Variants in AK5 observed in about 807,000 individuals in gnomAD.
The protein encoded by AK5 is adenylate kinase 5, also known as adenylate kinase isoenzyme 5.
A neutral mutation model predicts 69.5 loss-of-function variants in AK5; 27 were observed. The observed-to-expected ratio is 0.39, with a 90% CI of 0.29 to 0.54. AK5 has a LOEUF of 0.54. Among genes scored for constraint, AK5 ranks in the 20% least tolerant of loss-of-function variants. AK5 has a pLI of 0.71. For missense variants in AK5, 531 were observed against 700.4 expected (o/e 0.76, Z 2.73); for synonymous variants, 260 against 244.4 (o/e 1.06, Z -0.60).
In AK5 at chr1:77,521,938, C is replaced by G. The variant is rs554863447; in HGVS notation, c.1423C>G (p.Arg475Gly). The change falls in exon 12 of 14, where the codon CGC (arginine) becomes GGC (glycine). Residue 475 changes from arginine to glycine, a missense_variant. Coordinates refer to ENST00000354567, the MANE Select transcript of AK5 (RefSeq NM_174858.3). ...REVKQGEEFG[R>G]RIGDPQLVIC... The stretch of plus-strand genomic sequence containing the variant: ...GGTGAAGCAAGGGGAAGAGTTCGGA[C>G]GCAGGGTGAGTGGTTGTTACGGGCA... 1 of 1,605,644 alleles carries G rather than the reference C, an allele frequency of 6.2e-7. No homozygotes were observed. The highest frequency in any genetic ancestry group is 1.1e-5 in the South Asian group (1 of 89,780).
chr1:77,345,011 C>G (rs1661841883), intron 6 of AK5, among the ~76,000 whole-genome samples: 1 of 149,390 alleles, frequency 6.7e-6, no homozygotes, highest in Non-Finnish European at 1.5e-5. Flanking sequence ...AAAAAAAGCT[C>G]AGATGCAATG....
intron 6 of AK5, among the ~76,000 whole-genome samples, chr1:77,405,768 C>T (rs1275041524): frequency 1.3e-5 from 2 of 152,172 alleles, no homozygotes; most frequent in African/African-American, 4.8e-5. Flanking sequence ...AGTCCCCTCA[C>T]TCCCTCCCCC....
intron 8 of AK5, among the ~76,000 whole-genome samples, chr1:77,479,877 G>T (rs1655154245): frequency 6.6e-6 from 1 of 152,204 alleles, no homozygotes. Flanking sequence ...TGGCTAATGG[G>T]TTGAGTCTTC....
intron 8 of AK5, among the ~76,000 whole-genome samples, chr1:77,446,539 T>G (rs1652767598): frequency 6.6e-6 from 1 of 152,232 alleles, no homozygotes; most frequent in South Asian, 2.1e-4. Flanking sequence ...TTTCACAATA[T>G]TAATTACTCT....
At chr1:77,390,020 C>T (rs774343042) in intron 6 of AK5, among the ~76,000 whole-genome samples, 4 of 152,148 alleles carry the variant, frequency 2.6e-5, no homozygotes, top group Non-Finnish European at 5.9e-5. Flanking sequence ...AGGCAGACTT[C>T]AAGCCTTTGG....
intron 10 of AK5, among the ~76,000 whole-genome samples, chr1:77,508,840 C>T (rs1657164340): frequency 6.8e-6 from 1 of 147,784 alleles, no homozygotes; most frequent in Non-Finnish European, 1.5e-5. Flanking sequence ...GCACTCCAGC[C>T]TTGGCGGCAG....
intron 8 of AK5, among the ~76,000 whole-genome samples, chr1:77,429,411 T>G (rs1178449012): frequency 2.0e-5 from 3 of 152,214 alleles, no homozygotes; most frequent in Non-Finnish European, 2.9e-5. Context: ...TTTTGAGAAG[T>G]GTCTGTTCAT....
chr1:77,411,166 C>A (rs1570524423), intron 7 of AK5, 95 bp downstream of exon 7: 1 of 1,024,290 alleles, frequency 9.8e-7, no homozygotes, highest in Non-Finnish European at 1.4e-6. Flanking sequence ...CAAACTGCTG[C>A]AAGTTTTGAA....
rs532268411 is a variant in AK5, at chr1:77,380,614, C to T, written c.892-30367C>T. On this transcript the variant is annotated intron_variant, in intron 6 of 13. Coordinates refer to ENST00000354567, the MANE Select transcript of AK5 (RefSeq NM_174858.3). ...CATCTTCTCTGTACCAGGCACTGTGCTAAATAAGCACTGGGGAGTGCAAAT... is the reference window on the plus strand; with the variant it reads ...CATCTTCTCTGTACCAGGCACTGTGTTAAATAAGCACTGGGGAGTGCAAAT... 2.0e-5 allele frequency among the ~76,000 whole-genome samples: 3 copies of T among 152,318 alleles called. No homozygotes were observed. In the South Asian group the frequency reaches 6.2e-4, roughly 32 times the overall value.
chr1:77,435,208 T>C lies in AK5; in HGVS notation c.1059+17493T>C, dbSNP rs187863122. On this transcript the variant is annotated intron_variant, in intron 8 of 13. Coordinates refer to ENST00000354567, the MANE Select transcript of AK5 (RefSeq NM_174858.3). ...GAAGGCAGTGTTGTATGACCTCAAA[T>C]CCTGTGCTGCAAGATACAGCAAAAA... Among the ~76,000 whole-genome samples the C allele has an allele frequency of 2.0e-5, 3 of 152,278 alleles. No individual in the cohort carries two copies. In the East Asian group the frequency reaches 5.8e-4, roughly 29 times the overall value.
intron 9 of AK5, among the ~76,000 whole-genome samples, chr1:77,483,787 G>T (rs1452792769): frequency 1.3e-5 from 2 of 152,102 alleles, no homozygotes; most frequent in Non-Finnish European, 2.9e-5. Context: ...TTCCTGCCTG[G>T]TAGTTACTAT....
chr1:77,454,114 C>T (rs990694686), intron 8 of AK5, among the ~76,000 whole-genome samples: 1 of 152,178 alleles, frequency 6.6e-6, no homozygotes, highest in Non-Finnish European at 1.5e-5. Flanking sequence ...TGCTCTACTA[C>T]GGCATCCATG....
chr1:77,405,387 A>C (rs1319990624), intron 6 of AK5, among the ~76,000 whole-genome samples: 3 of 152,192 alleles, frequency 2.0e-5, no homozygotes, highest in African/African-American at 7.2e-5. Context: ...ACTTGGCCTC[A>C]TGTGCCCCCT....
intron 8 of AK5, among the ~76,000 whole-genome samples, chr1:77,444,450 TATATACATA>T: frequency 2.9e-5 from 1 of 34,462 alleles, no homozygotes; most frequent in Admixed American, 5.1e-4. Context: ...CTATATATAG[TATATACATA>T]GTATAAATAT....
chr1:77,441,502 G>A (rs150402195), intron 8 of AK5, among the ~76,000 whole-genome samples: 39 of 152,226 alleles, frequency 2.6e-4, no homozygotes, highest in Non-Finnish European at 5.3e-4. Flanking sequence ...GAAAGATGTG[G>A]TGACTCTGTT....
chr1:77,501,223 A>C (rs1022372511), intron 10 of AK5, among the ~76,000 whole-genome samples: 1 of 152,258 alleles, frequency 6.6e-6, no homozygotes, highest in Non-Finnish European at 1.5e-5. Flanking sequence ...GAGATGGGCC[A>C]AACCTTGAAA....
intron 2 of AK5, 150 bp from the exon 3 acceptor site, chr1:77,293,643 A>G (rs765944906): frequency 2.2e-4 from 140 of 633,554 alleles, no homozygotes; most frequent in South Asian, 3.6e-4. Context: ...CCTTTACAAT[A>G]AAGCCTGCTG....
chr1:77,330,496 C>A (rs1270375235), intron 5 of AK5, among the ~76,000 whole-genome samples: 1 of 152,284 alleles, frequency 6.6e-6, no homozygotes, highest in East Asian at 1.9e-4. Flanking sequence ...GTTGAAAAGA[C>A]TGTCCTTTTC....
chr1:77,464,432 T>C (rs1259489298), intron 8 of AK5, among the ~76,000 whole-genome samples: 12 of 152,200 alleles, frequency 7.9e-5, no homozygotes, highest in Non-Finnish European at 1.8e-4. Flanking sequence ...GTTACAGAGA[T>C]GTAACATGCT....
Sources: allele counts gnomAD v4.1 joint callset (sites outside exome capture counted in the v4.1 genomes callset), GRCh38; gene constraint gnomAD v4.1.1; transcripts MANE v1.5; gene names NCBI Gene and HGNC (gene_info 2026-07-23, HGNC 2026-07-21).